The following DLC1 variants were observed in gnomAD, a reference collection of about 807,000 sequenced individuals.
DLC1 encodes the protein rho GTPase-activating protein 7.
In DLC1, 54 loss-of-function variants were observed where a neutral mutation model predicts 140.3. The observed-to-expected ratio is 0.38, with a 90% CI of 0.31 to 0.48. The LOEUF (loss-of-function observed/expected upper bound fraction) is 0.48. Among genes scored for constraint, DLC1 ranks in the 20% least tolerant of loss-of-function variants. The pLI is 0.96. For synonymous variants in DLC1, 986 were observed against 728.1 expected, an observed-to-expected ratio of 1.35 and a Z score of -5.70; for missense variants, 2,536 against 1,907.0, an observed-to-expected ratio of 1.33 and a Z score of -6.14.
At chr8:13,127,301 G>C (rs1320063262) in intron 5 of DLC1, among the ~76,000 whole-genome samples, 1 of 152,218 alleles carries the variant, frequency 6.6e-6, no homozygotes, top group Non-Finnish European at 1.5e-5. Context: ...GAAGGGGTCT[G>C]AGGTTCCAGT....
chr8:13,289,513 T>G (rs1462767226), intron 5 of DLC1, among the ~76,000 whole-genome samples: 1 of 152,202 alleles, frequency 6.6e-6, no homozygotes. Context: ...TTTTTTTTTG[T>G]AGAGGCAAGC....
chr8:13,443,361 A>C (rs948569124), intron 2 of DLC1, among the ~76,000 whole-genome samples: 4 of 151,508 alleles, frequency 2.6e-5, no homozygotes, highest in African/African-American at 4.8e-5. Context: ...AAAAAAAAAA[A>C]AAAACTGCCC....
At chr8:13,368,151 G>C (rs981749108) in intron 4 of DLC1, among the ~76,000 whole-genome samples, 7 of 152,112 alleles carry the variant, frequency 4.6e-5, no homozygotes, top group African/African-American at 1.7e-4. Context: ...CTCTTCTGTT[G>C]AAAGACATAA....
intron 1 of DLC1, among the ~76,000 whole-genome samples, chr8:13,544,702 A>G (rs1803598886): frequency 1.3e-5 from 2 of 152,178 alleles, no homozygotes; most frequent in South Asian, 4.1e-4. Flanking sequence ...GTTAAGTCCG[A>G]TCGGTATATT....
In DLC1 at chr8:13,594,426, T is replaced by C. The variant is rs542806949; in HGVS notation, c.-126+10111A>G. ...TTTGTGAGGCAACGTAATTCCTTGC[T>C]TCTGTTACTACTATCTATCCTCATT... On this transcript the variant is annotated intron_variant, in intron 1 of 1. Transcript: ENST00000631382. Among the ~76,000 whole-genome samples, 5 of 152,202 alleles carry C rather than the reference T, an allele frequency of 3.3e-5. No homozygotes were observed. The South Asian group carries it at 1.0e-3, about 32-fold the overall frequency.
At chr8:13,268,835 G>A (rs2117369551) in intron 5 of DLC1, among the ~76,000 whole-genome samples, 1 of 145,272 alleles carries the variant, frequency 6.9e-6, no homozygotes, top group Non-Finnish European at 1.5e-5. Flanking sequence ...CTCAACCTTT[G>A]TACTCATGTT....
At chr8:13,326,616 G>A (rs2116926290) in intron 4 of DLC1, among the ~76,000 whole-genome samples, 1 of 152,234 alleles carries the variant, frequency 6.6e-6, no homozygotes, top group East Asian at 1.9e-4. Flanking sequence ...GTATGTCTAA[G>A]TTGTAAAACG....
intron 1 of DLC1, among the ~76,000 whole-genome samples, chr8:13,538,578 G>A (rs977849870): frequency 1.3e-5 from 2 of 152,150 alleles, no homozygotes; most frequent in African/African-American, 2.4e-5. Context: ...TAAGTGAGGA[G>A]TTTACTCTAT....
chr8:13,588,310 G>A (rs561635068), intron 1 of DLC1, among the ~76,000 whole-genome samples: 4 of 152,224 alleles, frequency 2.6e-5, no homozygotes, highest in South Asian at 2.1e-4. Flanking sequence ...GTGGATTACC[G>A]AAGAGAGAGA....
At chr8:13,411,329 A>G (rs1172419172) in intron 2 of DLC1, among the ~76,000 whole-genome samples, 2 of 152,234 alleles carry the variant, frequency 1.3e-5, no homozygotes, top group Admixed American at 1.3e-4. Context: ...TCTACTGAAT[A>G]ATTCCAATTA....
intron 5 of DLC1, among the ~76,000 whole-genome samples, chr8:13,232,649 T>G (rs1248890927): frequency 6.6e-6 from 1 of 152,192 alleles, no homozygotes; most frequent in Non-Finnish European, 1.5e-5. Context: ...AGTCTTGGCA[T>G]GACAACAGAG....
chr8:13,566,784 A>G (rs1337994109), intron 1 of DLC1: 7 of 638,416 alleles, frequency 1.1e-5, no homozygotes, highest in Non-Finnish European at 1.7e-5. Context: ...GGGAGCGCGG[A>G]GGAAAAGGCG....
chr8:13,451,415 A>G (rs1356227280), intron 2 of DLC1, among the ~76,000 whole-genome samples: 1 of 152,116 alleles, frequency 6.6e-6, no homozygotes, highest in African/African-American at 2.4e-5. Context: ...GTACAATTAA[A>G]TTATTATTGA....
chr8:13,575,275 T>C (rs1740894334), intron 1 of DLC1, among the ~76,000 whole-genome samples: 1 of 152,148 alleles, frequency 6.6e-6, no homozygotes, highest in Non-Finnish European at 1.5e-5. Context: ...GCTCTGGATG[T>C]CAGGACTAAT....
At chr8:13,382,394 C>G (rs562292530) in intron 4 of DLC1, among the ~76,000 whole-genome samples, 1 of 149,086 alleles carries the variant, frequency 6.7e-6, no homozygotes, top group African/African-American at 2.5e-5. Context: ...GTAGTCCCAG[C>G]TACTCGGGAG....
rs763440493 is a variant in DLC1, at chr8:13,115,498, C to G, written c.1420+88G>C. Reference sequence around the variant, plus strand: ...AAAATAAAACATTTAAACGATAAAACTGCTGAAAATAAGTCATAGATCAGT... The same window carrying G: ...AAAATAAAACATTTAAACGATAAAAGTGCTGAAAATAAGTCATAGATCAGT... On this transcript the variant is annotated intron_variant, in intron 6 of 17. Coordinates refer to ENST00000276297, the MANE Select transcript of DLC1 (RefSeq NM_182643.3). 6.6e-5 allele frequency: 80 copies of G among 1,205,306 alleles called. 1 individual carries two copies. The Middle Eastern group carries it at 7.9e-4, about 12-fold the overall frequency. The allele number at this position is 1,205,306 out of a possible 1,614,324, so 74.7% of individuals were successfully genotyped here.
Position 13,506,581 on chromosome 8 carries a change from G to GTGTGTGTGTATA in DLC1, c.-125-6386_-125-6385insTATACACACACA, listed in dbSNP as rs1246764417. On this transcript the variant is annotated intron_variant, in intron 1 of 17. Coordinates refer to ENST00000276297, the MANE Select transcript of DLC1 (RefSeq NM_182643.3). ...CACACACACACATGTGTGTGTGTGT[G>GTGTGTGTGTATA]TATATATATATATATATATATATAT... Among the ~76,000 whole-genome samples, 113 of 131,122 alleles carry GTGTGTGTGTATA rather than the reference G, an allele frequency of 8.6e-4. 2 individuals carry two copies. Among genetic ancestry groups the GTGTGTGTGTATA allele is most frequent in the African/African-American group, 3.4e-3 (107 of 31,168 alleles). The allele number at this position is 131,122 out of a possible 152,430, so 86.0% of individuals were successfully genotyped here.
intron 2 of DLC1, among the ~76,000 whole-genome samples, chr8:13,406,542 A>T (rs1277176540): frequency 2.6e-5 from 4 of 152,168 alleles, no homozygotes; most frequent in Admixed American, 6.5e-5. Context: ...CAGCCTTTCA[A>T]ATATTTCAAG....
intron 5 of DLC1, among the ~76,000 whole-genome samples, chr8:13,177,567 T>C (rs1374327561): frequency 6.6e-6 from 1 of 152,256 alleles, no homozygotes; most frequent in African/African-American, 2.4e-5. Flanking sequence ...AAGTGGTTTA[T>C]TGATATATGC....
Sources: allele counts gnomAD v4.1 joint callset (sites outside exome capture counted in the v4.1 genomes callset), GRCh38; gene constraint gnomAD v4.1.1; transcripts MANE v1.5; gene names NCBI Gene and HGNC (gene_info 2026-07-23, HGNC 2026-07-21).